TTC7B: variants seen among roughly 807,000 people sequenced by gnomAD.
The protein encoded by TTC7B is tetratricopeptide repeat domain 7B.
Under a neutral mutation model 106.8 loss-of-function variants are expected in TTC7B, and 28 were observed. The ratio of observed to expected loss-of-function variants is 0.26; its 90% confidence interval spans 0.19 to 0.36. The LOEUF (loss-of-function observed/expected upper bound fraction) is 0.36, where lower values mean the gene tolerates loss of function less well. Among genes scored for constraint, TTC7B ranks in the 10% least tolerant of loss-of-function variants. The probability of loss-of-function intolerance (pLI) is 1.00; values close to 1 mark genes in which losing one functional copy is unlikely to be tolerated. For synonymous variants in TTC7B, 405 were observed against 430.6 expected, an observed-to-expected ratio of 0.94 and a Z score of 0.74; for missense variants, 862 against 1,076.4, an observed-to-expected ratio of 0.80 and a Z score of 2.79.
In TTC7B at chr14:90,720,701, T is replaced by C. The variant is rs141746263; in HGVS notation, c.698+9374A>G. On this transcript the variant is annotated intron_variant, in intron 5 of 19. Transcript: ENST00000328459. ...ACCAGGAGATGCTACAAAAATTAAC[T>C]CTGACTTTTAGACACGAAATTATAT... is the stretch of plus-strand genomic sequence containing the variant. 2.5e-3 allele frequency among the ~76,000 whole-genome samples: 375 copies of C among 152,290 alleles called. 2 individuals carry two copies. The highest frequency in any genetic ancestry group is 3.9e-3 in the Non-Finnish European group (268 of 68,026).
chr14:90,551,150 C>T (rs938749566), intron 19 of TTC7B, among the ~76,000 whole-genome samples: 16 of 152,160 alleles, frequency 1.1e-4, no homozygotes, highest in African/African-American at 3.9e-4. Flanking sequence ...AAACAGAGGG[C>T]CAGAGAGGAG....
chr14:90,552,009 C>G (rs1206600560), intron 19 of TTC7B, among the ~76,000 whole-genome samples: 1 of 152,236 alleles, frequency 6.6e-6, no homozygotes, highest in Admixed American at 6.5e-5. Flanking sequence ...TCTGTTTGTT[C>G]TCAGTGCTTA....
At chr14:90,605,688 A>T (rs1384775297) in intron 17 of TTC7B, 5 of 1,289,168 alleles carry the variant, frequency 3.9e-6, no homozygotes, top group Non-Finnish European at 1.0e-6. Flanking sequence ...AATGAAGATG[A>T]GAAGACACAA....
chr14:90,639,913 G>A (rs1885099390), intron 15 of TTC7B, among the ~76,000 whole-genome samples: 1 of 152,208 alleles, frequency 6.6e-6, no homozygotes, highest in Admixed American at 6.5e-5. Flanking sequence ...AACGCAAGCA[G>A]CATAAGGACA....
chr14:90,738,939 C>A (rs77983655), intron 4 of TTC7B, among the ~76,000 whole-genome samples: 1 of 152,080 alleles, frequency 6.6e-6, no homozygotes, highest in African/African-American at 2.4e-5. Context: ...GTAAGAGGAT[C>A]GCTTCGGCCT....
intron 17 of TTC7B, among the ~76,000 whole-genome samples, chr14:90,594,841 C>T (rs985447750): frequency 6.6e-6 from 1 of 152,136 alleles, no homozygotes; most frequent in African/African-American, 2.4e-5. Context: ...AATAGATGCG[C>T]CATCCATATT....
intron 3 of TTC7B, among the ~76,000 whole-genome samples, chr14:90,770,378 C>T (rs1375062817): frequency 1.3e-5 from 2 of 152,120 alleles, no homozygotes; most frequent in African/African-American, 4.8e-5. Context: ...ACAACCAGGC[C>T]AGGCGCGGTG....
In TTC7B at chr14:90,765,449, G is replaced by C. The variant is rs1358447365; in HGVS notation, c.445+15289C>G. 5.3e-5 allele frequency among the ~76,000 whole-genome samples: 8 copies of C among 152,248 alleles called. No homozygotes were observed. The East Asian group carries it at 1.3e-3, about 26-fold the overall frequency. ...CCCACTGAATTGTACACTTTAAAGG[G>C]TTGAATTGTATGGTATATGAGTTAT... On this transcript the variant is annotated intron_variant, in intron 3 of 19. Transcript: ENST00000328459.
chr14:90,762,831 CA>C (rs1890544850), intron 3 of TTC7B, among the ~76,000 whole-genome samples: 1 of 152,138 alleles, frequency 6.6e-6, no homozygotes, highest in Admixed American at 6.5e-5. Flanking sequence ...ACATACCATA[CA>C]AAAGAACAGG....
intron 11 of TTC7B, among the ~76,000 whole-genome samples, chr14:90,656,576 G>A (rs1414722634): frequency 6.6e-6 from 1 of 152,184 alleles, no homozygotes; most frequent in East Asian, 1.9e-4. Flanking sequence ...TCCTTGCTCT[G>A]TAGAAAGTCC....
intron 3 of TTC7B, among the ~76,000 whole-genome samples, chr14:90,767,211 C>T (rs576421175): frequency 6.3e-4 from 96 of 151,946 alleles, no homozygotes; most frequent in African/African-American, 2.2e-3. Flanking sequence ...AGAGCAAGAC[C>T]GTGTCTCAAT....
At chr14:90,614,233 A>T (rs1272119327) in intron 16 of TTC7B, among the ~76,000 whole-genome samples, 2 of 152,200 alleles carry the variant, frequency 1.3e-5, no homozygotes, top group African/African-American at 4.8e-5. Flanking sequence ...CTCATCAGTA[A>T]AATGGGTATG....
chr14:90,598,371 T>C (rs766199135), intron 17 of TTC7B, among the ~76,000 whole-genome samples: 9 of 152,180 alleles, frequency 5.9e-5, no homozygotes, highest in East Asian at 1.9e-4. Flanking sequence ...GAAAATGTTA[T>C]CTTGGACACC....
rs757644515 is a variant in TTC7B, at chr14:90,766,459, T to C, written c.445+14279A>G. 1.4e-4 allele frequency: 87 copies of C among 638,498 alleles called. 1 individual carries two copies. Among genetic ancestry groups the C allele is most frequent in the South Asian group, 4.0e-4 (22 of 55,074 alleles). The allele number at this position is 638,498 out of a possible 1,614,324, so 39.6% of individuals were successfully genotyped here. On this transcript the variant is annotated intron_variant, in intron 3 of 19. Transcript: ENST00000328459. The stretch of plus-strand genomic sequence containing the variant: ...CAAAATTGAAATGTCAAAAAGGACA[T>C]AGAAAACCTAAAAAGAAGCCAATAA...
At position 90,586,374 on chromosome 14, in the gene TTC7B, G is replaced by A. The variant is rs559503982; in HGVS notation, c.2107+7112C>T. 7.9e-5 allele frequency among the ~76,000 whole-genome samples: 12 copies of A among 152,260 alleles called. 1 individual carries two copies. The South Asian group carries it at 2.3e-3, about 29-fold the overall frequency. On this transcript the variant is annotated intron_variant, in intron 18 of 19. Coordinates refer to ENST00000328459, the MANE Select transcript of TTC7B (RefSeq NM_001010854.2). ...CAATCTCCACCTCCCAGGTTCAAGC[G>A]ATTCTCCTGCCTCAGCCTCCCGAGT...
intron 5 of TTC7B, among the ~76,000 whole-genome samples, chr14:90,721,652 G>C (rs1888903136): frequency 6.6e-6 from 1 of 152,142 alleles, no homozygotes; most frequent in Non-Finnish European, 1.5e-5. Context: ...TACTGACAGG[G>C]CATGGTCAGT....
At chr14:90,675,815 T>C (rs1766823774) in intron 9 of TTC7B, 1 of 151,088 alleles carries the variant, frequency 6.6e-6, no homozygotes, top group Admixed American at 6.6e-5. Flanking sequence ...GATTTTTTTT[T>C]CTCTATTTTG....
At chr14:90,710,067 A>G (rs1281739142) in intron 5 of TTC7B, among the ~76,000 whole-genome samples, 3 of 151,650 alleles carry the variant, frequency 2.0e-5, no homozygotes. Context: ...AAAAAAAAAA[A>G]AAAAGAAAAC....
In TTC7B at chr14:90,718,240, G is replaced by A. The variant is rs902293466; in HGVS notation, c.698+11835C>T. The stretch of plus-strand genomic sequence containing the variant: ...AGATGATAGCTCCCTTTCCTGCTGC[G>A]GGAACTCTGGAATCCCATCCAGATG... On this transcript the variant is annotated intron_variant, in intron 5 of 19. Transcript: ENST00000328459. Among the ~76,000 whole-genome samples the A allele has an allele frequency of 4.6e-5, 7 of 152,164 alleles. No individual in the cohort carries two copies. The East Asian group carries it at 7.7e-4, about 17-fold the overall frequency.
Sources: allele counts gnomAD v4.1 joint callset (sites outside exome capture counted in the v4.1 genomes callset), GRCh38; gene constraint gnomAD v4.1.1; transcripts MANE v1.5; gene names NCBI Gene and HGNC (gene_info 2026-07-23, HGNC 2026-07-21).